The following BCKDHB variants were observed in gnomAD, a reference collection of about 807,000 sequenced individuals.
BCKDHB encodes the protein 2-oxoisovalerate dehydrogenase subunit beta, mitochondrial.
A neutral mutation model predicts 48.5 loss-of-function variants in BCKDHB; 41 were observed. The ratio of observed to expected loss-of-function variants is 0.85; its 90% CI spans 0.66 to 1.10. BCKDHB has a LOEUF of 1.10. Ranked by LOEUF, BCKDHB falls within the 50% of genes least tolerant of loss-of-function variation. The pLI, the probability that BCKDHB is intolerant of heterozygous loss-of-function variation, is 0.00. For synonymous variants in BCKDHB, 201 were observed against 174.8 expected (o/e 1.15, Z -1.18); for missense variants, 496 against 494.2 (o/e 1.00, Z -0.03).
At chr6:80,464,613 C>T in the BCKDHB span, among the ~76,000 whole-genome samples, 1 of 152,170 alleles carries the variant, frequency 6.6e-6, no homozygotes, top group Non-Finnish European at 1.5e-5. Flanking sequence ...ATTCACTGAA[C>T]AGTTGAAAGG....
intron 8 of BCKDHB, among the ~76,000 whole-genome samples, chr6:80,208,322 C>CT (rs1274357907): frequency 6.6e-6 from 1 of 151,566 alleles, no homozygotes; most frequent in Non-Finnish European, 1.5e-5. Flanking sequence ...CAAGAACCAG[C>CT]TTAAGCCATG....
chr6:80,202,798 C>T (rs987269991), intron 7 of BCKDHB, among the ~76,000 whole-genome samples: 2 of 151,052 alleles, frequency 1.3e-5, no homozygotes, highest in African/African-American at 4.9e-5. Flanking sequence ...TTACTTCTCC[C>T]TCTACATGCT....
rs899797357 is a variant in BCKDHB at position 80,138,373 on chromosome 6, A to T, written c.343+9144A>T. Among the ~76,000 whole-genome samples the T allele has an allele frequency of 2.8e-4, 43 of 152,022 alleles. 2 individuals are homozygous for T. Among genetic ancestry groups the T allele is most frequent in the Non-Finnish European group, 1.5e-5 (1 of 68,026 alleles). On this transcript the variant is annotated intron_variant, in intron 3 of 9. Transcript: ENST00000320393. ...TTAGTTACATATGTATACATGTGCA[A>T]TGCTGGTACACTGCACCCACTAACT...
the BCKDHB span, among the ~76,000 whole-genome samples, chr6:80,383,962 AACC>A: frequency 6.6e-6 from 1 of 152,228 alleles, no homozygotes. Context: ...AATACTTTTA[AACC>A]ACCATTACTC....
intron 3 of BCKDHB, among the ~76,000 whole-genome samples, chr6:80,158,339 T>C (rs1191622177): frequency 6.6e-6 from 1 of 152,212 alleles, no homozygotes; most frequent in Non-Finnish European, 1.5e-5. Context: ...GACCCAGATA[T>C]CTTGCCTTGG....
At chr6:80,466,148 T>G in the BCKDHB span, among the ~76,000 whole-genome samples, 1 of 152,236 alleles carries the variant, frequency 6.6e-6, no homozygotes, top group African/African-American at 2.4e-5. Flanking sequence ...AGGTAATTTC[T>G]GCTTTCTGTC....
intron 3 of BCKDHB, among the ~76,000 whole-genome samples, chr6:80,149,631 T>C (rs1284150497): frequency 6.0e-5 from 9 of 151,146 alleles, no homozygotes; most frequent in Non-Finnish European, 1.2e-4. Context: ...ATATACACCA[T>C]GGAATACTAT....
rs1348650114 is a variant in BCKDHB, at chr6:80,164,020, A to G, written c.344-3658A>G. Among the ~76,000 whole-genome samples the G allele has an allele frequency of 2.0e-5, 3 of 152,076 alleles. 1 individual carries two copies. Among genetic ancestry groups the G allele is most frequent in the Admixed American group, 1.3e-4 (2 of 15,262 alleles). On this transcript the variant is annotated intron_variant, in intron 3 of 9. Transcript: ENST00000320393. ...GCAGATAATCAATCTTGCTGTGTCCACCCTTGCTATTGACAGGCTATTCAC... is the reference window on the plus strand; with the variant it reads ...GCAGATAATCAATCTTGCTGTGTCCGCCCTTGCTATTGACAGGCTATTCAC...
intron 6 of BCKDHB, among the ~76,000 whole-genome samples, chr6:80,178,710 G>A (rs903217648): frequency 6.6e-6 from 1 of 152,160 alleles, no homozygotes; most frequent in East Asian, 1.9e-4. Context: ...TTATAGATGA[G>A]GAACCTAAGG....
chr6:80,147,472 A>G (rs192867151), intron 3 of BCKDHB, among the ~76,000 whole-genome samples: 8 of 152,314 alleles, frequency 5.3e-5, no homozygotes, highest in African/African-American at 1.9e-4. Flanking sequence ...TTTGATGTCT[A>G]TTAACTTTTT....
chr6:80,384,110 T>C, the BCKDHB span, among the ~76,000 whole-genome samples: 3 of 152,134 alleles, frequency 2.0e-5, no homozygotes, highest in Non-Finnish European at 4.4e-5. Flanking sequence ...AAACTATTGA[T>C]CCTGGGTGTA....
the BCKDHB span, among the ~76,000 whole-genome samples, chr6:80,452,896 A>G: frequency 1.3e-5 from 2 of 151,934 alleles, no homozygotes; most frequent in Admixed American, 1.3e-4. Context: ...AGCATGCAAC[A>G]AACTATCTTT....
chr6:80,255,731 C>G (rs1777021989), intron 8 of BCKDHB, among the ~76,000 whole-genome samples: 1 of 152,084 alleles, frequency 6.6e-6, no homozygotes, highest in Non-Finnish European at 1.5e-5. Context: ...TTTAGTTTCC[C>G]AAATTGGAAT....
At chr6:80,138,095 G>T (rs1024966487) in intron 3 of BCKDHB, among the ~76,000 whole-genome samples, 5 of 151,812 alleles carry the variant, frequency 3.3e-5, no homozygotes, top group African/African-American at 1.2e-4. Context: ...AAAAAATAGT[G>T]CAGCAAGGCT....
intron 3 of BCKDHB, among the ~76,000 whole-genome samples, chr6:80,159,287 T>TAA (rs5877698): frequency 3.3e-5 from 5 of 151,582 alleles, no homozygotes; most frequent in South Asian, 2.1e-4. Context: ...ACTTAAAGTA[T>TAA]AAAAAAACCC....
chr6:80,283,478 A>G (rs746655741), intron 9 of BCKDHB, among the ~76,000 whole-genome samples: 1 of 151,874 alleles, frequency 6.6e-6, no homozygotes, highest in African/African-American at 2.4e-5. Context: ...AAGCTCCTCT[A>G]CTCTTTCTCT....
chr6:80,326,147 CTG>C (rs1373518924), intron 9 of BCKDHB, among the ~76,000 whole-genome samples: 1 of 151,948 alleles, frequency 6.6e-6, no homozygotes, highest in Admixed American at 6.6e-5. Context: ...TATGGGAAAA[CTG>C]TGTACTGTTT....
intron 1 of BCKDHB, chr6:80,127,219 C>T (rs1033021959): frequency 6.0e-6 from 2 of 331,762 alleles, no homozygotes; most frequent in Admixed American, 8.8e-5. Context: ...GTGCTTCTTC[C>T]CAGACCACTC....
At chr6:80,272,736 A>G (rs1777800152) in intron 8 of BCKDHB, among the ~76,000 whole-genome samples, 1 of 152,166 alleles carries the variant, frequency 6.6e-6, no homozygotes, top group African/African-American at 2.4e-5. Context: ...TCTTAAGGCC[A>G]TTGTTATTTA....
Sources: allele counts gnomAD v4.1 joint callset (sites outside exome capture counted in the v4.1 genomes callset), GRCh38; gene constraint gnomAD v4.1.1; transcripts MANE v1.5; gene names NCBI Gene and HGNC (gene_info 2026-07-23, HGNC 2026-07-21).